WWP2: variants seen among roughly 807,000 people sequenced by gnomAD.
The protein encoded by WWP2 is WW domain containing E3 ubiquitin protein ligase 2, also known as NEDD4-like E3 ubiquitin-protein ligase WWP2.
In WWP2, 57 loss-of-function variants were observed where a neutral mutation model predicts 121.0. That is an observed-to-expected ratio of 0.47 (90% confidence interval 0.38 to 0.59). WWP2 has a LOEUF of 0.59. WWP2 is among the 20% of genes least tolerant of loss of function. The probability of loss-of-function intolerance (pLI) is 0.00; values close to 1 mark genes in which losing one functional copy is unlikely to be tolerated. For synonymous variants in WWP2, 449 were observed against 441.3 expected (o/e 1.02, Z -0.22); for missense variants, 962 against 1,158.9 (o/e 0.83, Z 2.47).
At chr16:69,886,092 G>T (rs1003010957) in intron 7 of WWP2, among the ~76,000 whole-genome samples, 2 of 152,150 alleles carry the variant, frequency 1.3e-5, no homozygotes, top group African/African-American at 4.8e-5. Flanking sequence ...TTGATTGGTT[G>T]GTTGATTGAT....
chr16:69,888,865 G>A (rs2057975719), intron 8 of WWP2, among the ~76,000 whole-genome samples: 1 of 152,014 alleles, frequency 6.6e-6, no homozygotes, highest in African/African-American at 2.4e-5. Flanking sequence ...CCACCACACT[G>A]GCTAATTTTT....
intron 16 of WWP2, chr16:69,933,190 G>A (rs2102066): frequency 0.77 from 366,038 of 474,574 alleles, 142,232 homozygotes; most frequent in East Asian, 0.97. Context: ...CCTCTGCGTC[G>A]ACGGACTCCT....
At chr16:69,777,734 A>G (rs532639450) in intron 1 of WWP2, among the ~76,000 whole-genome samples, 218 of 151,760 alleles carry the variant, frequency 1.4e-3, no homozygotes, top group African/African-American at 5.0e-3. Context: ...TTCAGAGGAA[A>G]TATGTTGTTT....
At chr16:69,817,161 A>G (rs545004617) in intron 4 of WWP2, among the ~76,000 whole-genome samples, 2 of 152,258 alleles carry the variant, frequency 1.3e-5, no homozygotes, top group South Asian at 2.1e-4. Context: ...CTCATTATAC[A>G]TATTTCTTTG....
intron 10 of WWP2, among the ~76,000 whole-genome samples, chr16:69,924,356 G>A (rs1279126185): frequency 6.6e-6 from 1 of 152,148 alleles, no homozygotes; most frequent in Non-Finnish European, 1.5e-5. Context: ...CAGCCCAGCA[G>A]CCTGAAGTCC....
chr16:69,778,945 AT>A (rs2055601915), intron 1 of WWP2, among the ~76,000 whole-genome samples: 1 of 154 alleles, frequency 6.5e-3, no homozygotes, highest in Admixed American at 0.038. Flanking sequence ...CTGGCCGGTT[AT>A]TTATTTATTT....
At chr16:69,852,354 GCACCCTCCACCT>G (rs889957025) in intron 6 of WWP2, among the ~76,000 whole-genome samples, 8 of 151,386 alleles carry the variant, frequency 5.3e-5, no homozygotes, top group African/African-American at 1.9e-4. Context: ...TCGGCTTACT[GCACCCTCCACCT>G]CCTAGGTTCA....
intron 2 of WWP2, among the ~76,000 whole-genome samples, chr16:69,787,297 T>C (rs1351663637): frequency 6.6e-6 from 1 of 152,222 alleles, no homozygotes; most frequent in Non-Finnish European, 1.5e-5. Context: ...TTGTCTAAAA[T>C]GGTGATTTCA....
intron 4 of WWP2, among the ~76,000 whole-genome samples, chr16:69,823,639 T>C (rs1238094302): frequency 1.3e-5 from 2 of 152,186 alleles, no homozygotes; most frequent in Non-Finnish European, 2.9e-5. Context: ...AGCTAATTTT[T>C]ATATTTTTAG....
At chr16:69,820,076 T>C (rs2056564735) in intron 4 of WWP2, among the ~76,000 whole-genome samples, 3 of 151,782 alleles carry the variant, frequency 2.0e-5, no homozygotes, top group South Asian at 2.1e-4. Flanking sequence ...CTACAAAAAA[T>C]AGGAAAATTA....
rs746843145 is a variant in WWP2, at chr16:69,931,514, T to C, written c.1527T>C (p.Asn509=). 22 of 1,613,296 alleles carry C rather than the reference T, an allele frequency of 1.4e-5. No homozygotes were observed. Among genetic ancestry groups the C allele is most frequent in the Non-Finnish European group, 1.7e-5 (20 of 1,179,798 alleles). Residue 509 remains asparagine, a synonymous_variant, in exon 15 of 24, where the codon AAT becomes AAC. Transcript: ENST00000359154. ...YHQFRFLCHS[N]ALPSHVKISV... is the part of the protein sequence containing the mutation. The stretch of plus-strand genomic sequence containing the variant: ...TTTTCTTTTTTTTTTTTCAGTCAAA[T>C]GCCCTACCTAGCCACGTGAAGATCA...
intron 8 of WWP2, among the ~76,000 whole-genome samples, chr16:69,889,501 T>C (rs546366464): frequency 6.6e-6 from 1 of 152,304 alleles, no homozygotes; most frequent in South Asian, 2.1e-4. Flanking sequence ...CCGAATGACT[T>C]AGCCTCTTGA....
intron 4 of WWP2, among the ~76,000 whole-genome samples, chr16:69,830,246 T>C (rs1345187527): frequency 1.3e-5 from 2 of 152,144 alleles, no homozygotes; most frequent in Non-Finnish European, 2.9e-5. Context: ...ACAACCACCA[T>C]GCCCGGCCTA....
intron 2 of WWP2, among the ~76,000 whole-genome samples, chr16:69,791,986 A>C (rs1046879401): frequency 2.7e-5 from 4 of 149,124 alleles, no homozygotes; most frequent in African/African-American, 1.0e-4. Context: ...ACACATATTT[A>C]ACCTACACAG....
intron 4 of WWP2, among the ~76,000 whole-genome samples, chr16:69,817,139 C>T (rs913831066): frequency 6.6e-6 from 1 of 151,850 alleles, no homozygotes; most frequent in Admixed American, 6.6e-5. Context: ...CCTTTTTCCC[C>T]CCAAATGGGA....
chr16:69,867,467 G>A (rs905900108), intron 6 of WWP2, among the ~76,000 whole-genome samples: 2 of 152,186 alleles, frequency 1.3e-5, no homozygotes, highest in Non-Finnish European at 2.9e-5. Flanking sequence ...CTCATGAAGG[G>A]CGAGGCCAGG....
chr16:69,929,353 C>A, intron 11 of WWP2, 95 bp from the exon 12 acceptor site: 2 of 1,172,816 alleles, frequency 1.7e-6, no homozygotes, highest in Non-Finnish European at 2.5e-6. Flanking sequence ...GGGAGATAAA[C>A]TCAGACCCAG....
intron 4 of WWP2, among the ~76,000 whole-genome samples, chr16:69,802,840 A>G (rs1264872639): frequency 6.6e-6 from 1 of 151,914 alleles, no homozygotes; most frequent in Non-Finnish European, 1.5e-5. Flanking sequence ...CCTGACCTCA[A>G]GTGATCTGCC....
chr16:69,861,527 C>G (rs1205384230), intron 6 of WWP2, among the ~76,000 whole-genome samples: 1 of 152,138 alleles, frequency 6.6e-6, no homozygotes, highest in Non-Finnish European at 1.5e-5. Context: ...GTGAGGCTGG[C>G]AGTCCAGAGG....
Sources: gnomAD v4.1 joint callset for allele counts (sites outside exome capture counted in the v4.1 genomes callset) on GRCh38, gnomAD v4.1.1 for gene constraint, MANE v1.5 for transcripts, NCBI Gene and HGNC (gene_info 2026-07-23, HGNC 2026-07-21) for gene names.